The following FHDC1 variants were observed in gnomAD, a reference collection of about 807,000 sequenced individuals.
FHDC1 encodes the protein FH2 domain-containing protein 1.
In FHDC1, 25 loss-of-function variants were observed where a neutral mutation model predicts 52.6. The observed-to-expected ratio is 0.48, with a 90% CI of 0.35 to 0.66. FHDC1 has a LOEUF of 0.66. Ranked by LOEUF, FHDC1 falls within the 30% of genes least tolerant of loss-of-function variation. FHDC1 has a pLI of 0.01. For missense variants in FHDC1, 1,459 were observed against 1,452.8 expected, an observed-to-expected ratio of 1.00 and a Z score of -0.07; for synonymous variants, 616 against 581.5, an observed-to-expected ratio of 1.06 and a Z score of -0.85.
intron 4 of FHDC1, 135 bp from the exon 5 acceptor site, chr4:152,960,430 T>C (rs954647929): frequency 3.6e-6 from 3 of 822,832 alleles, no homozygotes; most frequent in African/African-American, 3.5e-5. Context: ...ATTTCCTTTT[T>C]TGTCTTTTCT....
chr4:152,941,895 G>C (rs1739581901), intron 1 of FHDC1, among the ~76,000 whole-genome samples: 1 of 152,056 alleles, frequency 6.6e-6, no homozygotes, highest in Non-Finnish European at 1.5e-5. Context: ...CATCTAGTTG[G>C]GGTACTCACT....
At chr4:152,949,087 T>G (rs1739822604) in intron 2 of FHDC1, among the ~76,000 whole-genome samples, 1 of 119,208 alleles carries the variant, frequency 8.4e-6, no homozygotes, top group Admixed American at 8.9e-5. Flanking sequence ...AAACCTTGTC[T>G]CAGTAATAAT....
chr4:152,953,422 C>A, intron 2 of FHDC1, 77 bp from the exon 3 acceptor site: 2 of 1,148,318 alleles, frequency 1.7e-6, no homozygotes, highest in Non-Finnish European at 2.6e-6. Flanking sequence ...GCATTTTGAT[C>A]GGTTTTAATT....
At chr4:152,970,625 G>C (rs1292740036) in intron 10 of FHDC1, among the ~76,000 whole-genome samples, 4 of 152,194 alleles carry the variant, frequency 2.6e-5, no homozygotes, top group Non-Finnish European at 2.9e-5. Context: ...CCCTGTGGAA[G>C]AATGACAGGC....
At chr4:152,961,207 C>A (rs1463476188) in intron 6 of FHDC1, among the ~76,000 whole-genome samples, 2 of 146,240 alleles carry the variant, frequency 1.4e-5, no homozygotes, top group East Asian at 2.1e-4. Flanking sequence ...AAAGCCCGGG[C>A]CCCTGGCCCA....
At chr4:152,949,122 A>G (rs1278437490) in intron 2 of FHDC1, among the ~76,000 whole-genome samples, 71 of 43,396 alleles carry the variant, frequency 1.6e-3, no homozygotes, top group African/African-American at 5.2e-3. Context: ...TAATAATAAT[A>G]ATAAGAAGAA....
At chr4:152,923,620 T>G in the FHDC1 span, among the ~76,000 whole-genome samples, 1 of 151,542 alleles carries the variant, frequency 6.6e-6, no homozygotes, top group Non-Finnish European at 1.5e-5. Flanking sequence ...ACTATAAGGC[T>G]ACAGTAACCA....
intron 1 of FHDC1, among the ~76,000 whole-genome samples, chr4:152,942,527 G>A (rs1486693461): frequency 6.6e-6 from 1 of 152,144 alleles, no homozygotes; most frequent in African/African-American, 2.4e-5. Flanking sequence ...AAAAAGGTAG[G>A]GTCACTCATG....
chr4:152,926,570 TTGG>T, the FHDC1 span, among the ~76,000 whole-genome samples: 1 of 150,318 alleles, frequency 6.7e-6, no homozygotes, highest in Non-Finnish European at 1.5e-5. Context: ...TTAGTTTGGC[TTGG>T]TTAGTTAAAA....
At chr4:152,966,129 A>G (rs1740449398) in intron 9 of FHDC1, among the ~76,000 whole-genome samples, 1 of 152,258 alleles carries the variant, frequency 6.6e-6, no homozygotes, top group African/African-American at 2.4e-5. Context: ...ATTAGTATAA[A>G]AATATTCCTA....
intron 6 of FHDC1, among the ~76,000 whole-genome samples, chr4:152,962,470 A>G (rs1740308400): frequency 6.6e-6 from 1 of 152,270 alleles, no homozygotes; most frequent in East Asian, 1.9e-4. Flanking sequence ...GAAAAATTAA[A>G]TAACTGCTGA....
chr4:152,937,625 GCCCGCCCCGCAGTC>G (rs934751526), intron 1 of FHDC1, among the ~76,000 whole-genome samples: 16 of 151,668 alleles, frequency 1.1e-4, no homozygotes, highest in Non-Finnish European at 1.5e-4. Flanking sequence ...CGCGCTGGGC[GCCCGCCCCGCAGTC>G]CCCGCCCCGC....
At chr4:152,963,439 A>G (rs1027478101) in intron 8 of FHDC1, among the ~76,000 whole-genome samples, 1 of 152,212 alleles carries the variant, frequency 6.6e-6, no homozygotes, top group African/African-American at 2.4e-5. Context: ...GAGTTTGTGC[A>G]CAGTGTAATA....
At chr4:152,945,878 A>G (rs776076938) in intron 2 of FHDC1, among the ~76,000 whole-genome samples, 1 of 152,170 alleles carries the variant, frequency 6.6e-6, no homozygotes, top group Non-Finnish European at 1.5e-5. Context: ...CTGTTAAATC[A>G]GAACTGTCTG....
At chr4:152,943,987 C>T (rs936094436) in intron 2 of FHDC1, among the ~76,000 whole-genome samples, 2 of 152,182 alleles carry the variant, frequency 1.3e-5, no homozygotes, top group Admixed American at 6.5e-5. Flanking sequence ...CATCAGCTGA[C>T]GTCCATCCTT....
intron 1 of FHDC1, among the ~76,000 whole-genome samples, chr4:152,937,973 A>G (rs1232989290): frequency 1.3e-5 from 2 of 152,114 alleles, no homozygotes; most frequent in Non-Finnish European, 2.9e-5. Flanking sequence ...CTGGTGAACT[A>G]CTACGTATCC....
At chr4:152,943,887 C>A (rs912032176) in intron 2 of FHDC1, among the ~76,000 whole-genome samples, 2 of 152,146 alleles carry the variant, frequency 1.3e-5, no homozygotes, top group Non-Finnish European at 2.9e-5. Context: ...GATTGTTAGT[C>A]TCTGTTGAAA....
At chr4:152,937,366 A>C (rs1739414996) in intron 1 of FHDC1, among the ~76,000 whole-genome samples, 2 of 151,972 alleles carry the variant, frequency 1.3e-5, no homozygotes, top group South Asian at 4.1e-4. Flanking sequence ...TCCCCTAGTT[A>C]GCCGTCTCCC....
At chr4:152,946,840 C>T (rs188087046) in intron 2 of FHDC1, among the ~76,000 whole-genome samples, 5 of 152,208 alleles carry the variant, frequency 3.3e-5, no homozygotes, top group South Asian at 4.1e-4. Context: ...CCATTGTACT[C>T]GTGAGGAAGA....
Sources: allele counts gnomAD v4.1 joint callset (sites outside exome capture counted in the v4.1 genomes callset), GRCh38; gene constraint gnomAD v4.1.1; transcripts MANE v1.5; gene names NCBI Gene and HGNC (gene_info 2026-07-23, HGNC 2026-07-21).